Variants in PACS1 observed in about 807,000 individuals in gnomAD.
PACS1 encodes the protein PACS-1.
A neutral mutation model predicts 115.0 loss-of-function variants in PACS1; 24 were observed. The observed-to-expected ratio is 0.21, with a 90% CI of 0.15 to 0.29. The LOEUF (loss-of-function observed/expected upper bound fraction) is 0.29. Among genes scored for constraint, PACS1 ranks in the 10% least tolerant of loss-of-function variants. The pLI is 1.00. For synonymous variants in PACS1, 453 were observed against 504.5 expected (o/e 0.90, Z 1.37); for missense variants, 838 against 1,251.2 (o/e 0.67, Z 4.98).
chr11:66,215,577 G>A (rs546162462), intron 4 of PACS1, among the ~76,000 whole-genome samples: 1 of 151,788 alleles, frequency 6.6e-6, no homozygotes, highest in Non-Finnish European at 1.5e-5. Context: ...GCCAGCCTGG[G>A]TGACAGAGTG....
intron 2 of PACS1, among the ~76,000 whole-genome samples, chr11:66,200,462 T>G (rs1381472792): frequency 6.6e-6 from 1 of 150,392 alleles, no homozygotes; most frequent in Non-Finnish European, 1.5e-5. Context: ...ATATACTCTA[T>G]GCAAATGGAA....
At chr11:66,184,301 A>G (rs541911474) in intron 1 of PACS1, among the ~76,000 whole-genome samples, 5 of 108,738 alleles carry the variant, frequency 4.6e-5, no homozygotes. Context: ...TGACAGAGTG[A>G]GACCCTGTCT....
chr11:66,217,324 A>T (rs1043498432), intron 7 of PACS1: 2 of 323,690 alleles, frequency 6.2e-6, no homozygotes, highest in Non-Finnish European at 1.2e-5. Flanking sequence ...GACTTCCTCA[A>T]GAGTCACTGT....
chr11:66,085,397 A>G (rs1337908104), intron 1 of PACS1, among the ~76,000 whole-genome samples: 1 of 152,220 alleles, frequency 6.6e-6, no homozygotes, highest in Non-Finnish European at 1.5e-5. Flanking sequence ...TTACTGTTTT[A>G]TAAAGGCAAA....
intron 1 of PACS1, among the ~76,000 whole-genome samples, chr11:66,143,825 A>G (rs1358987437): frequency 6.6e-6 from 1 of 152,076 alleles, no homozygotes; most frequent in African/African-American, 2.4e-5. Context: ...TTTTTAGTAG[A>G]AATGGGGTTT....
chr11:66,086,374 G>A (rs989830128), intron 1 of PACS1, among the ~76,000 whole-genome samples: 22 of 152,148 alleles, frequency 1.4e-4, no homozygotes, highest in Non-Finnish European at 2.6e-4. Context: ...TCCTGACCTC[G>A]TGATCCACCC....
intron 1 of PACS1, among the ~76,000 whole-genome samples, chr11:66,192,808 TTACTGAGA>T (rs1404426896): frequency 6.6e-6 from 1 of 151,276 alleles, no homozygotes; most frequent in Non-Finnish European, 1.5e-5. Flanking sequence ...CAGAGCAGAG[TTACTGAGA>T]CTCCACAGTG....
At chr11:66,190,336 A>G (rs1399350757) in intron 1 of PACS1, among the ~76,000 whole-genome samples, 3 of 152,142 alleles carry the variant, frequency 2.0e-5, no homozygotes, top group Middle Eastern at 3.2e-3. Context: ...GTCATGTCCC[A>G]TTTCATTTTG....
intron 1 of PACS1, among the ~76,000 whole-genome samples, chr11:66,170,774 GAAAAAAA>G (rs35955463): frequency 1.8e-5 from 2 of 113,674 alleles, no homozygotes; most frequent in East Asian, 4.7e-4. Flanking sequence ...CTCATCTCTG[GAAAAAAA>G]AAAAAAAAAA....
chr11:66,081,927 C>G (rs1320634152), intron 1 of PACS1, among the ~76,000 whole-genome samples: 1 of 152,158 alleles, frequency 6.6e-6, no homozygotes. Flanking sequence ...CTACATTCTA[C>G]TTTTACAGGA....
Position 66,233,008 on chromosome 11 carries a change from T to G in PACS1, c.1780T>G (p.Cys594Gly). 6.2e-7 allele frequency: 1 copy of G among 1,612,604 alleles called. No individual in the cohort carries two copies. The highest frequency in any genetic ancestry group is 8.5e-7 in the Non-Finnish European group (1 of 1,179,978). The change falls in exon 15 of 24, where the codon TGC (cysteine) becomes GGC (glycine). Residue 594 changes from cysteine to glycine, a missense_variant. Transcript: ENST00000320580. This position sits in a 1 kb window ranked among gnomAD's most constrained non-coding sequence, Gnocchi z 4.5. ...CCAGCGGAAGCCTGTGGTGTGCACC[T>G]GCTCCACCGTGGAGGTCCAGGCCGT... ...QDQRKPVVCT[C>G]STVEVQAVLS...
At chr11:66,234,282 G>A (rs752135870) in intron 17 of PACS1, 40 bp downstream of exon 17, 14 of 1,379,366 alleles carry the variant, frequency 1.0e-5, no homozygotes, top group African/African-American at 1.4e-5. Flanking sequence ...CACCCCCGGG[G>A]TCCACAGGTG....
intron 1 of PACS1, among the ~76,000 whole-genome samples, chr11:66,190,467 C>T (rs895687586): frequency 3.3e-5 from 5 of 152,078 alleles, no homozygotes; most frequent in African/African-American, 1.2e-4. Flanking sequence ...CCTCTGTCAC[C>T]CAGGCTGGAG....
In PACS1 at chr11:66,193,589, CTGTT is replaced by C; in HGVS notation, c.444+21_444+24del. On this transcript the variant is annotated intron_variant, in intron 2 of 23. Transcript: ENST00000320580. ...GAAGCTGCAGGTGAGTGGGGCAGGA[CTGTT>C]TGTTCAGGGCCCAGGGAAGCTGGAT... 4.4e-6 allele frequency: 7 copies of C among 1,591,532 alleles called. No homozygotes were observed. The highest frequency in any genetic ancestry group is 6.0e-6 in the Non-Finnish European group (7 of 1,159,752).
intron 1 of PACS1, among the ~76,000 whole-genome samples, chr11:66,188,698 A>G (rs1414773582): frequency 6.6e-6 from 1 of 152,156 alleles, no homozygotes; most frequent in Non-Finnish European, 1.5e-5. Flanking sequence ...TGGGCAGCTA[A>G]CTAACCCAGC....
chr11:66,191,453 A>G (rs541843969), intron 1 of PACS1, among the ~76,000 whole-genome samples: 2 of 152,302 alleles, frequency 1.3e-5, no homozygotes, highest in Non-Finnish European at 2.9e-5. Context: ...TATTTGGTCC[A>G]CCACAAAGAG....
At chr11:66,111,212 A>G (rs947930050) in intron 1 of PACS1, among the ~76,000 whole-genome samples, 2 of 152,198 alleles carry the variant, frequency 1.3e-5, no homozygotes, top group Non-Finnish European at 2.9e-5. Flanking sequence ...CTAAACATAG[A>G]AAAGGTACAG....
intron 2 of PACS1, among the ~76,000 whole-genome samples, chr11:66,201,167 G>A (rs936522484): frequency 9.9e-5 from 15 of 151,882 alleles, no homozygotes; most frequent in Admixed American, 3.3e-4. Flanking sequence ...TACAGTGAGC[G>A]GAGATTGCGC....
Position 66,097,106 on chromosome 11 carries a change from G to C in PACS1, c.356+26264G>C, listed in dbSNP as rs548556332. On this transcript the variant is annotated intron_variant, in intron 1 of 23. Transcript: ENST00000320580. ...AACTGCCAATTTTTTCAAAGTGATT[G>C]TATCAGTTTGCATTCCCACTAACTG... 3.3e-5 allele frequency among the ~76,000 whole-genome samples: 5 copies of C among 150,080 alleles called. No homozygotes were observed. The East Asian group carries it at 7.7e-4, about 23-fold the overall frequency.
Sources: gnomAD v4.1 joint callset for allele counts (sites outside exome capture counted in the v4.1 genomes callset) on GRCh38, gnomAD v4.1.1 for gene constraint, Gnocchi (gnomAD v3.1) non-coding constraint, MANE v1.5 for transcripts, NCBI Gene and HGNC (gene_info 2026-07-23, HGNC 2026-07-21) for gene names.